The following RORA variants were observed in gnomAD, a reference collection of about 807,000 sequenced individuals.
The protein encoded by RORA is nuclear receptor ROR-alpha.
In RORA, 7 loss-of-function variants were observed where a neutral mutation model predicts 69.5. The ratio of observed to expected loss-of-function variants is 0.10; its 90% CI spans 0.06 to 0.19. The LOEUF is 0.19. RORA is among the 10% of genes least tolerant of loss of function. The pLI is 1.00. For missense variants in RORA, 457 were observed against 663.0 expected, an observed-to-expected ratio of 0.69 and a Z score of 3.41; for synonymous variants, 261 against 240.8, an observed-to-expected ratio of 1.08 and a Z score of -0.78.
At chr15:60,752,929 G>C (rs935401084) in intron 1 of RORA, among the ~76,000 whole-genome samples, 2 of 152,146 alleles carry the variant, frequency 1.3e-5, no homozygotes, top group African/African-American at 4.8e-5. Flanking sequence ...AAAGATATTT[G>C]AGATTTTGCT....
intron 2 of RORA, among the ~76,000 whole-genome samples, chr15:60,612,374 TC>T (rs1224832573): frequency 6.6e-6 from 1 of 152,010 alleles, no homozygotes; most frequent in Admixed American, 6.5e-5. Context: ...AAAATGAACC[TC>T]CCCTCTTTTT....
intron 1 of RORA, among the ~76,000 whole-genome samples, chr15:60,696,375 A>G (rs2070905734): frequency 6.7e-6 from 1 of 150,060 alleles, no homozygotes. Flanking sequence ...TGATTTACAG[A>G]AAAAAAAAAG....
intron 1 of RORA, among the ~76,000 whole-genome samples, chr15:61,209,061 C>A (rs1176250582): frequency 3.9e-5 from 6 of 152,158 alleles, no homozygotes. Flanking sequence ...TCTTTCCTTA[C>A]CCTAAAGATT....
chr15:61,174,794 A>C (rs1395859402), intron 1 of RORA, among the ~76,000 whole-genome samples: 1 of 152,014 alleles, frequency 6.6e-6, no homozygotes, highest in Non-Finnish European at 1.5e-5. Flanking sequence ...TGTTTATTGC[A>C]TACTCACTAT....
intron 1 of RORA, among the ~76,000 whole-genome samples, chr15:60,819,780 C>CACACACGCGCACACACACACAG (rs2072869339): frequency 6.6e-6 from 1 of 150,896 alleles, no homozygotes; most frequent in Admixed American, 6.6e-5. Context: ...CACACACACA[C>CACACACGCGCACACACACACAG]ACACACACAC....
intron 1 of RORA, among the ~76,000 whole-genome samples, chr15:61,194,312 C>T (rs1237046316): frequency 6.6e-6 from 1 of 152,138 alleles, no homozygotes; most frequent in Admixed American, 6.5e-5. Flanking sequence ...GTAATCCCAG[C>T]ACTTTGGGAG....
chr15:60,989,741 C>T (rs1204770944), intron 1 of RORA, among the ~76,000 whole-genome samples: 1 of 152,152 alleles, frequency 6.6e-6, no homozygotes, highest in Non-Finnish European at 1.5e-5. Context: ...AGTCCATTCA[C>T]AGGTCCATCC....
At chr15:60,568,455 A>G (rs1003822055) in intron 2 of RORA, among the ~76,000 whole-genome samples, 1 of 152,224 alleles carries the variant, frequency 6.6e-6, no homozygotes, top group Non-Finnish European at 1.5e-5. Context: ...TGCATGATCT[A>G]TTCTCAAGAC....
intron 1 of RORA, among the ~76,000 whole-genome samples, chr15:60,792,708 A>G (rs574898102): frequency 9.3e-4 from 142 of 152,328 alleles, no homozygotes; most frequent in African/African-American, 3.4e-3. Flanking sequence ...AAGAGAAAAT[A>G]AAGTCCTTTT....
chr15:60,597,830 C>T (rs759154271), intron 2 of RORA, among the ~76,000 whole-genome samples: 1 of 150,670 alleles, frequency 6.6e-6, no homozygotes, highest in Non-Finnish European at 1.5e-5. Context: ...CCCTACCACT[C>T]GAACATCCTG....
chr15:61,003,230 T>C (rs768782632), intron 1 of RORA, among the ~76,000 whole-genome samples: 4 of 152,288 alleles, frequency 2.6e-5, no homozygotes, highest in South Asian at 2.1e-4. Context: ...CTATATAGTA[T>C]GCAGTTTAAA....
intron 1 of RORA, among the ~76,000 whole-genome samples, chr15:61,108,771 G>A (rs1028909319): frequency 6.6e-6 from 1 of 152,150 alleles, no homozygotes; most frequent in African/African-American, 2.4e-5. Flanking sequence ...TTCAAAGAAC[G>A]ATAATCACCT....
chr15:61,123,289 C>T (rs1056984751), intron 1 of RORA, among the ~76,000 whole-genome samples: 2 of 152,002 alleles, frequency 1.3e-5, no homozygotes, highest in South Asian at 2.1e-4. Context: ...GCCAATGAGG[C>T]GAGGGGGGAG....
At chr15:61,001,578 G>T (rs183790198) in intron 1 of RORA, among the ~76,000 whole-genome samples, 1 of 152,300 alleles carries the variant, frequency 6.6e-6, no homozygotes, top group African/African-American at 2.4e-5. Flanking sequence ...AGGCCACATG[G>T]GTAGATTGTG....
At chr15:60,995,977 A>G (rs1110417) in intron 1 of RORA, among the ~76,000 whole-genome samples, 4 of 152,218 alleles carry the variant, frequency 2.6e-5, no homozygotes, top group Admixed American at 6.5e-5. Flanking sequence ...ATGCATTGAT[A>G]AATAAAAAGA....
chr15:61,022,659 G>T (rs1895590659), intron 1 of RORA, among the ~76,000 whole-genome samples: 1 of 152,212 alleles, frequency 6.6e-6, no homozygotes, highest in Middle Eastern at 3.4e-3. Flanking sequence ...TTTCAAAAGT[G>T]GGTAAAAATG....
chr15:60,625,408 A>G (rs73424061), intron 2 of RORA, among the ~76,000 whole-genome samples: 5,293 of 152,310 alleles, frequency 0.035, 276 homozygotes, highest in African/African-American at 0.12. Context: ...TGCAACGTCC[A>G]TTAATATTAC....
At chr15:61,186,565 G>A (rs553224459) in intron 1 of RORA, among the ~76,000 whole-genome samples, 8 of 144,910 alleles carry the variant, frequency 5.5e-5, no homozygotes, top group African/African-American at 1.3e-4. Context: ...TGCCTGAACC[G>A]GGGAGGTGGA....
intron 1 of RORA, among the ~76,000 whole-genome samples, chr15:61,035,234 T>C (rs1240018657): frequency 1.3e-5 from 2 of 152,196 alleles, no homozygotes; most frequent in South Asian, 2.1e-4. Context: ...TTAATGACCA[T>C]TGTTCTGGTC....
Sources: gnomAD v4.1 joint callset for allele counts (sites outside exome capture counted in the v4.1 genomes callset) on GRCh38, gnomAD v4.1.1 for gene constraint, MANE v1.5 for transcripts, NCBI Gene and HGNC (gene_info 2026-07-23, HGNC 2026-07-21) for gene names.